Variants in DYRK1A observed in about 807,000 individuals in gnomAD.
DYRK1A encodes the protein dual specificity tyrosine-phosphorylation-regulated kinase 1A.
DYRK1A carries 9 observed loss-of-function variants against 79.7 expected under a neutral mutation model. The ratio of observed to expected loss-of-function variants is 0.11; its 90% CI spans 0.07 to 0.20. The LOEUF (loss-of-function observed/expected upper bound fraction) is 0.20, where lower values mean the gene tolerates loss of function less well. Ranked by LOEUF, DYRK1A falls within the 10% of genes least tolerant of loss-of-function variation. The pLI is 1.00. For missense variants in DYRK1A, 622 were observed against 956.0 expected (o/e 0.65, Z 4.61); for synonymous variants, 349 against 329.7 (o/e 1.06, Z -0.63).
intron 9 of DYRK1A, among the ~76,000 whole-genome samples, chr21:37,498,048 G>A (rs770475921): frequency 2.6e-4 from 39 of 152,080 alleles, no homozygotes; most frequent in Admixed American, 5.2e-4. Context: ...GATACAAATA[G>A]ATGTGCATAT....
intron 1 of DYRK1A, among the ~76,000 whole-genome samples, chr21:37,373,558 G>T (rs940488993): frequency 8.5e-5 from 13 of 152,154 alleles, no homozygotes; most frequent in African/African-American, 2.9e-4. Context: ...ACGATGTGAG[G>T]GAGCTTGGTT....
intron 2 of DYRK1A, among the ~76,000 whole-genome samples, chr21:37,439,372 G>A (rs1161536955): frequency 6.6e-6 from 1 of 152,240 alleles, no homozygotes; most frequent in East Asian, 1.9e-4. Context: ...AGTAGTGAAA[G>A]AGGACATTCT....
chr21:37,400,117 ACTT>A (rs1261553297), intron 1 of DYRK1A, among the ~76,000 whole-genome samples: 4 of 152,124 alleles, frequency 2.6e-5, no homozygotes, highest in Non-Finnish European at 5.9e-5. Context: ...GGCTGCCAGT[ACTT>A]CTTGACTTGT....
intron 2 of DYRK1A, among the ~76,000 whole-genome samples, chr21:37,423,858 C>A (rs949763722): frequency 6.6e-6 from 1 of 152,036 alleles, no homozygotes; most frequent in Non-Finnish European, 1.5e-5. Context: ...AATTCTTATG[C>A]ATACACTATA....
intron 2 of DYRK1A, among the ~76,000 whole-genome samples, chr21:37,424,007 A>G (rs2066204971): frequency 6.6e-6 from 1 of 152,132 alleles, no homozygotes; most frequent in South Asian, 2.1e-4. Flanking sequence ...AATGGGGTGT[A>G]TTCATTATAC....
intron 2 of DYRK1A, among the ~76,000 whole-genome samples, chr21:37,447,116 T>C (rs2051298817): frequency 6.6e-6 from 1 of 152,218 alleles, no homozygotes; most frequent in South Asian, 2.1e-4. Context: ...TTGCTTCTTT[T>C]ATATCCCCTT....
intron 2 of DYRK1A, among the ~76,000 whole-genome samples, chr21:37,434,162 T>G (rs995933249): frequency 6.6e-6 from 1 of 152,204 alleles, no homozygotes; most frequent in Admixed American, 6.5e-5. Context: ...GCTCTTCTCT[T>G]GGAATCTGAT....
At chr21:37,448,923 C>G (rs1180428221) in intron 2 of DYRK1A, among the ~76,000 whole-genome samples, 1 of 152,136 alleles carries the variant, frequency 6.6e-6, no homozygotes. Context: ...GTCTTGAACT[C>G]CTGAGCCGAA....
chr21:37,500,736 T>C (rs1443906622), intron 9 of DYRK1A, among the ~76,000 whole-genome samples: 1 of 152,030 alleles, frequency 6.6e-6, no homozygotes, highest in East Asian at 1.9e-4. Context: ...TTGTTGAATT[T>C]GTTGGCGTAA....
chr21:37,440,995 G>A (rs1225250360), intron 2 of DYRK1A, among the ~76,000 whole-genome samples: 1 of 152,050 alleles, frequency 6.6e-6, no homozygotes, highest in Non-Finnish European at 1.5e-5. Flanking sequence ...TTGAGAGACG[G>A]ATATTGAAAT....
Position 37,515,599 on chromosome 21 carries a change from A to G in DYRK1A, c.*3068A>G, listed in dbSNP as rs2053871722. Reference sequence around the variant, plus strand: ...ATATCAGAATTCTAGAATTCTTGCCACTGTGATTCAATTGCTAACCTAAAG... The same window carrying G: ...ATATCAGAATTCTAGAATTCTTGCCGCTGTGATTCAATTGCTAACCTAAAG... On this transcript the variant is annotated 3_prime_UTR_variant, in exon 12 of 12. Transcript: ENST00000647188. 6.6e-6 allele frequency: 1 copy of G among 152,320 alleles called. No homozygotes were observed. Among genetic ancestry groups the G allele is most frequent in the East Asian group, 1.9e-4 (1 of 5,194 alleles). 9.4% of individuals were successfully genotyped at this position (152,320 alleles called of 1,614,324 possible).
intron 7 of DYRK1A, 94 bp downstream of exon 7, chr21:37,490,555 G>GT (rs1177909222): frequency 1.0e-6 from 1 of 959,788 alleles, no homozygotes; most frequent in African/African-American, 1.8e-5. Context: ...AGTAATTGCG[G>GT]TTTTCGCCAT....
At chr21:37,369,522 A>G (rs755026006) in intron 1 of DYRK1A, among the ~76,000 whole-genome samples, 2 of 152,258 alleles carry the variant, frequency 1.3e-5, no homozygotes, top group Middle Eastern at 3.2e-3. Context: ...ACTTCAAACC[A>G]TGCCAGAAAG....
chr21:37,443,462 T>A (rs2051170649), intron 2 of DYRK1A, among the ~76,000 whole-genome samples: 1 of 152,242 alleles, frequency 6.6e-6, no homozygotes, highest in Admixed American at 6.5e-5. Flanking sequence ...ATTGTGAATT[T>A]TCACTTTGTC....
At chr21:37,379,266 A>G (rs1780271064) in intron 1 of DYRK1A, among the ~76,000 whole-genome samples, 1 of 152,154 alleles carries the variant, frequency 6.6e-6, no homozygotes, top group African/African-American at 2.4e-5. Context: ...TCTAGATGTA[A>G]TGTATAGGCA....
intron 7 of DYRK1A, among the ~76,000 whole-genome samples, chr21:37,491,038 T>A (rs910763714): frequency 3.3e-5 from 5 of 152,170 alleles, no homozygotes; most frequent in African/African-American, 1.2e-4. Context: ...GCATTAGTCA[T>A]GGTATAAGTA....
intron 2 of DYRK1A, among the ~76,000 whole-genome samples, chr21:37,462,498 G>T (rs1204913597): frequency 1.3e-5 from 2 of 152,164 alleles, no homozygotes; most frequent in Non-Finnish European, 2.9e-5. Flanking sequence ...ATGTCTTACA[G>T]TCTTGTGTGA....
At chr21:37,401,496 T>TC (rs1397652591) in intron 1 of DYRK1A, among the ~76,000 whole-genome samples, 3 of 151,612 alleles carry the variant, frequency 2.0e-5, no homozygotes, top group Admixed American at 6.6e-5. Flanking sequence ...TTTTTTTTTT[T>TC]TGGGAGACAG....
At chr21:37,376,958 C>T (rs1384385952) in intron 1 of DYRK1A, among the ~76,000 whole-genome samples, 1 of 151,954 alleles carries the variant, frequency 6.6e-6, no homozygotes, top group East Asian at 1.9e-4. Context: ...ATATATTATA[C>T]TTTTAGTATG....
Sources: gnomAD v4.1 joint callset for allele counts (sites outside exome capture counted in the v4.1 genomes callset) on GRCh38, gnomAD v4.1.1 for gene constraint, MANE v1.5 for transcripts, NCBI Gene and HGNC (gene_info 2026-07-23, HGNC 2026-07-21) for gene names.